Variants in KLRG1 observed in about 807,000 individuals in gnomAD.
The protein encoded by KLRG1 is killer cell lectin like receptor G1.
In KLRG1, 16 loss-of-function variants were observed where a neutral mutation model predicts 21.8. The ratio of observed to expected loss-of-function variants is 0.73; its 90% CI spans 0.50 to 1.11. The LOEUF is 1.11. KLRG1 is among the 50% of genes most tolerant of loss of function. The probability of loss-of-function intolerance (pLI) is 0.00; values close to 1 mark genes in which losing one functional copy is unlikely to be tolerated. For synonymous variants in KLRG1, 69 were observed against 75.9 expected, an observed-to-expected ratio of 0.91 and a Z score of 0.47; for missense variants, 173 against 218.3, an observed-to-expected ratio of 0.79 and a Z score of 1.31.
chr12:9,157,979 GT>G, the KLRG1 span: 143,348 of 767,864 alleles, frequency 0.19, 16,072 homozygotes, highest in East Asian at 0.41. Context: ...CTCTCGACAG[GT>G]TCTTGCTCTG....
At chr12:9,078,730 G>A in the KLRG1 span, among the ~76,000 whole-genome samples, 1 of 152,146 alleles carries the variant, frequency 6.6e-6, no homozygotes, top group Non-Finnish European at 1.5e-5. Flanking sequence ...ATTTCCTTCT[G>A]CAGATGACAG....
chr12:9,013,295 A>C (rs1271923998), downstream of KLRG1, among the ~76,000 whole-genome samples: 7 of 152,134 alleles, frequency 4.6e-5, no homozygotes, highest in East Asian at 1.4e-3. Flanking sequence ...TAAAAACCTA[A>C]CTCTTTAATG....
chr12:9,128,715 C>T, the KLRG1 span: 2 of 152,098 alleles, frequency 1.3e-5, no homozygotes, highest in East Asian at 3.9e-4. Flanking sequence ...AGGGAGGGAC[C>T]CTTACTCCTG....
At chr12:9,205,257 T>C in the KLRG1 span, among the ~76,000 whole-genome samples, 1 of 152,170 alleles carries the variant, frequency 6.6e-6, no homozygotes, top group Non-Finnish European at 1.5e-5. Flanking sequence ...TGAGTGTCCT[T>C]TGTCTCTAAT....
At chr12:9,171,305 A>C in the KLRG1 span, among the ~76,000 whole-genome samples, 1 of 152,240 alleles carries the variant, frequency 6.6e-6, no homozygotes, top group Admixed American at 6.5e-5. Context: ...ACAAACAAAC[A>C]GAAAACAACA....
At chr12:9,133,168 T>C in the KLRG1 span, among the ~76,000 whole-genome samples, 1 of 152,080 alleles carries the variant, frequency 6.6e-6, no homozygotes, top group Non-Finnish European at 1.5e-5. Context: ...GAATTTGAGG[T>C]TCTTTTGAGA....
At chr12:9,020,304 G>A in the KLRG1 span, among the ~76,000 whole-genome samples, 5 of 152,218 alleles carry the variant, frequency 3.3e-5, no homozygotes, top group African/African-American at 1.2e-4. Context: ...GTTTTGATAG[G>A]TGTATATATC....
the KLRG1 span, among the ~76,000 whole-genome samples, chr12:9,213,802 C>T: frequency 5.9e-5 from 9 of 151,954 alleles, no homozygotes; most frequent in African/African-American, 1.7e-4. Context: ...TGCATGATAG[C>T]GTCCTGAGAC....
the KLRG1 span, among the ~76,000 whole-genome samples, chr12:9,153,645 G>A: frequency 1.4e-4 from 22 of 152,330 alleles, no homozygotes; most frequent in Non-Finnish European, 2.6e-4. Context: ...GACAAAAATA[G>A]TGACCATTTT....
chr12:9,161,276 C>G, the KLRG1 span, among the ~76,000 whole-genome samples: 4 of 152,216 alleles, frequency 2.6e-5, no homozygotes, highest in Non-Finnish European at 4.4e-5. Flanking sequence ...GGAAAAAACA[C>G]ATGTAAAACA....
At chr12:8,963,061 T>C (rs1358788304) in intron 1 of KLRG1, among the ~76,000 whole-genome samples, 2 of 152,108 alleles carry the variant, frequency 1.3e-5, no homozygotes, top group East Asian at 1.9e-4. Context: ...AGAAAAAATA[T>C]ATAATGGCAT....
downstream of KLRG1, among the ~76,000 whole-genome samples, chr12:9,012,278 A>T (rs1025659260): frequency 1.3e-5 from 2 of 152,208 alleles, no homozygotes; most frequent in Non-Finnish European, 2.9e-5. Flanking sequence ...ATTTGGATAC[A>T]GCTCAGCTAC....
chr12:9,083,189 A>G, the KLRG1 span, among the ~76,000 whole-genome samples: 4 of 152,254 alleles, frequency 2.6e-5, no homozygotes, highest in African/African-American at 9.6e-5. Context: ...GAATTGAACA[A>G]TGAGAACACT....
At chr12:9,173,896 G>C in the KLRG1 span, among the ~76,000 whole-genome samples, 1 of 152,082 alleles carries the variant, frequency 6.6e-6, no homozygotes, top group Non-Finnish European at 1.5e-5. Flanking sequence ...TTCTACCATA[G>C]GTACAAAGAA....
chr12:8,965,178 G>T (rs1033390357), intron 1 of KLRG1, among the ~76,000 whole-genome samples: 11 of 152,130 alleles, frequency 7.2e-5, no homozygotes, highest in Non-Finnish European at 4.4e-5. Context: ...GTATTGATGG[G>T]ATGTATCTCA....
At chr12:9,151,430 GAA>G in the KLRG1 span, among the ~76,000 whole-genome samples, 1 of 152,076 alleles carries the variant, frequency 6.6e-6, no homozygotes, top group Non-Finnish European at 1.5e-5. Flanking sequence ...AAATAGAACA[GAA>G]CACTACATGG....
At chr12:9,088,304 T>G in the KLRG1 span, among the ~76,000 whole-genome samples, 3 of 152,002 alleles carry the variant, frequency 2.0e-5, no homozygotes, top group African/African-American at 7.2e-5. Flanking sequence ...GGTAGGCACA[T>G]TTGATTATGT....
the KLRG1 span, chr12:9,156,161 G>T: frequency 4.7e-6 from 1 of 211,716 alleles, no homozygotes; most frequent in South Asian, 8.7e-5. Flanking sequence ...TGTCAGCTTT[G>T]ATGTACTTCT....
the KLRG1 span, chr12:9,104,196 C>G: frequency 2.5e-6 from 4 of 1,583,064 alleles, no homozygotes; most frequent in Non-Finnish European, 3.4e-6. Context: ...AACCTTGTTT[C>G]CAAGGCTACT....
Sources: gnomAD v4.1 joint callset for allele counts (sites outside exome capture counted in the v4.1 genomes callset) on GRCh38, gnomAD v4.1.1 for gene constraint, MANE v1.5 for transcripts, NCBI Gene and HGNC (gene_info 2026-07-23, HGNC 2026-07-21) for gene names.